The following NHLRC2 variants were observed in gnomAD, a reference collection of about 807,000 sequenced individuals.
The protein encoded by NHLRC2 is NHL repeat-containing protein 2.
NHLRC2 carries 33 observed loss-of-function variants against 68.1 expected under a neutral mutation model. The observed-to-expected ratio is 0.48, with a 90% confidence interval of 0.37 to 0.65. The LOEUF is 0.65. Among genes scored for constraint, NHLRC2 ranks in the 30% least tolerant of loss-of-function variants. The pLI is 0.00. For synonymous variants in NHLRC2, 311 were observed against 309.6 expected, an observed-to-expected ratio of 1.00 and a Z score of -0.05; for missense variants, 761 against 853.8, an observed-to-expected ratio of 0.89 and a Z score of 1.35.
chr10:113,908,121 A>G (rs1846291784), intron 10 of NHLRC2, among the ~76,000 whole-genome samples, 159 bp from the exon 11 acceptor site: 1 of 152,176 alleles, frequency 6.6e-6, no homozygotes, highest in Admixed American at 6.5e-5. Flanking sequence ...TGGTCAGTAT[A>G]TGTTATGTAT....
chr10:113,855,028 G>A lies in NHLRC2; in HGVS notation c.156G>A (p.Leu52=). 1.3e-6 allele frequency: 2 copies of A among 1,552,786 alleles called. No individual in the cohort carries two copies. The highest frequency in any genetic ancestry group is 1.7e-6 in the Non-Finnish European group (2 of 1,147,544). ...LQKVDGWEQD[L]SVPEFPEGLE... ...AGGTGGACGGCTGGGAGCAGGACTTGTCAGTACCCGAGTTTCCGGAAGGTG... is the reference window on the plus strand; with the variant it reads ...AGGTGGACGGCTGGGAGCAGGACTTATCAGTACCCGAGTTTCCGGAAGGTG... Residue 52 remains leucine, a synonymous_variant, in exon 1 of 11, where the codon TTG becomes TTA. Transcript: ENST00000369301.
rs558242040 is a variant in NHLRC2 at position 113,901,874 on chromosome 10, G to T, written c.1348G>T (p.Val450Leu). The change falls in exon 7 of 11, where the codon GTA (valine) becomes TTA (leucine). Residue 450 changes from valine to leucine, a missense_variant. Val to Leu is a conservative substitution (Grantham distance 32). Transcript: ENST00000369301. ...SLKDGAVKHLVGGERDPMNLF... is the reference protein window; with the variant it reads ...SLKDGAVKHLLGGERDPMNLF... ...GAAAGATGGAGCAGTGAAGCACCTC[G>T]TAGGAGGAGAAAGAGACCCCATGGT... The T allele has an allele frequency of 6.2e-7, 1 of 1,613,118 alleles. No homozygotes were observed. The highest frequency in any genetic ancestry group is 8.5e-7 in the Non-Finnish European group (1 of 1,179,088).
At chr10:113,893,286 C>T (rs1399808908) in intron 5 of NHLRC2, among the ~76,000 whole-genome samples, 2 of 152,044 alleles carry the variant, frequency 1.3e-5, no homozygotes, top group Non-Finnish European at 2.9e-5. Flanking sequence ...GGGTGAAAAA[C>T]GGGCAAGTAG....
At chr10:113,896,668 A>T (rs1371969233) in intron 5 of NHLRC2, among the ~76,000 whole-genome samples, 1 of 152,016 alleles carries the variant, frequency 6.6e-6, no homozygotes, top group Non-Finnish European at 1.5e-5. Context: ...AAGTGTAATA[A>T]TAATAAATAA....
chr10:113,895,123 A>G (rs1846165605), intron 5 of NHLRC2, among the ~76,000 whole-genome samples: 1 of 152,218 alleles, frequency 6.6e-6, no homozygotes, highest in Non-Finnish European at 1.5e-5. Context: ...TTGAGAGGAT[A>G]ATAGTACAGG....
In NHLRC2 at chr10:113,916,378, T is replaced by A. The variant is rs1589553111; in HGVS notation, c.*7842T>A. 1 of 152,334 alleles carries A rather than the reference T, an allele frequency of 6.6e-6. No homozygotes were observed. Among genetic ancestry groups the A allele is most frequent in the African/African-American group, 2.4e-5 (1 of 41,574 alleles). 9.4% of individuals were successfully genotyped at this position (152,334 alleles called of 1,614,324 possible). A position where few individuals can be genotyped will look rare whatever the true frequency, so the allele number is the denominator to read the frequency against. ...CAGTGAGAAATTATGGTTATATAAA[T>A]AACAGATATGGCAGAACAATTTTGT... On this transcript the variant is annotated 3_prime_UTR_variant, in exon 11 of 11. Coordinates refer to ENST00000369301, the MANE Select transcript of NHLRC2 (RefSeq NM_198514.4).
At chr10:113,880,957 C>T (rs764426514) in intron 4 of NHLRC2, among the ~76,000 whole-genome samples, 13 of 151,792 alleles carry the variant, frequency 8.6e-5, no homozygotes, top group South Asian at 2.1e-4. Flanking sequence ...TTGTTGAGTG[C>T]ATTAATGGGG....
rs2134745075 is a variant in NHLRC2 at position 113,908,966 on chromosome 10, C to T, written c.*430C>T. 1 of 163,546 alleles carries T rather than the reference C, an allele frequency of 6.1e-6. No homozygotes were observed. Among genetic ancestry groups the T allele is most frequent in the South Asian group, 1.7e-4 (1 of 5,880 alleles). The allele number at this position is 163,546 out of a possible 1,614,324, so 10.1% of individuals were successfully genotyped here. ...AGTAACTTTAGGCAGAACTTAAGCT[C>T]CAGGCCACATTTGTATAAGAACACC... On this transcript the variant is annotated 3_prime_UTR_variant, in exon 11 of 11. Coordinates refer to ENST00000369301, the MANE Select transcript of NHLRC2 (RefSeq NM_198514.4).
intron 3 of NHLRC2, among the ~76,000 whole-genome samples, chr10:113,879,311 A>G (rs1014435349): frequency 6.6e-6 from 1 of 152,216 alleles, no homozygotes; most frequent in Non-Finnish European, 1.5e-5. Context: ...TTTGTAGTCT[A>G]GGTAATGGAT....
At chr10:113,869,097 A>G (rs1845898022) in intron 2 of NHLRC2, among the ~76,000 whole-genome samples, 1 of 152,220 alleles carries the variant, frequency 6.6e-6, no homozygotes, top group African/African-American at 2.4e-5. Flanking sequence ...AGGATGGATA[A>G]CTACTTGGTG....
At chr10:113,871,531 T>C (rs1372793433) in intron 2 of NHLRC2, among the ~76,000 whole-genome samples, 2 of 152,216 alleles carry the variant, frequency 1.3e-5, no homozygotes, top group Non-Finnish European at 2.9e-5. Context: ...TTATTCTTTA[T>C]CGTATTGGAA....
intron 5 of NHLRC2, among the ~76,000 whole-genome samples, chr10:113,889,642 G>A (rs1846113839): frequency 1.3e-5 from 2 of 152,024 alleles, no homozygotes; most frequent in African/African-American, 4.8e-5. Context: ...ATTTGACAAA[G>A]AAGTGCAGTC....
intron 6 of NHLRC2, among the ~76,000 whole-genome samples, chr10:113,900,905 T>C (rs1388395702): frequency 6.6e-6 from 1 of 152,168 alleles, no homozygotes; most frequent in Non-Finnish European, 1.5e-5. Flanking sequence ...CCGAGTCAGC[T>C]GCTTCCCTTC....
In NHLRC2 at chr10:113,901,861, A is replaced by G. The variant is rs372201609; in HGVS notation, c.1335A>G (p.Ala445=). The G allele has an allele frequency of 5.0e-5, 80 of 1,613,966 alleles. No homozygotes were observed. Among genetic ancestry groups the G allele is most frequent in the Admixed American group, 5.0e-5 (3 of 60,008 alleles). Reference sequence around the variant, plus strand: ...GAACCGTTTCACTGAAAGATGGAGCAGTGAAGCACCTCGTAGGAGGAGAAA... The same window carrying G: ...GAACCGTTTCACTGAAAGATGGAGCGGTGAAGCACCTCGTAGGAGGAGAAA... ...TVRTVSLKDG[A]VKHLVGGERD... The change falls in exon 7 of 11, where the codon GCA becomes GCG. Residue 445 remains alanine (A), a synonymous_variant. Coordinates refer to ENST00000369301, the MANE Select transcript of NHLRC2 (RefSeq NM_198514.4).
chr10:113,879,068 C>T (rs57410859), intron 3 of NHLRC2, among the ~76,000 whole-genome samples: 1,692 of 152,252 alleles, frequency 0.011, 26 homozygotes, highest in African/African-American at 0.037. Context: ...TGATATATCG[C>T]AGGACTTTCT....
rs756260113 is a variant in NHLRC2 at position 113,879,743 on chromosome 10, A to G, written c.909+48A>G. The stretch of plus-strand genomic sequence containing the variant: ...TTTAATACTTACAATCAGAAAAAGG[A>G]AATGTATTTGCTACATTAAATATTT... On this transcript the variant is annotated intron_variant, in intron 4 of 10. Coordinates refer to ENST00000369301, the MANE Select transcript of NHLRC2 (RefSeq NM_198514.4). The G allele has an allele frequency of 5.9e-6, 7 of 1,195,604 alleles. No individual in the cohort carries two copies. The Admixed American group carries it at 1.7e-4, about 29-fold the overall frequency. The allele number at this position is 1,195,604 out of a possible 1,614,324, so 74.1% of individuals were successfully genotyped here.
At chr10:113,879,013 A>C (rs1846011594) in intron 3 of NHLRC2, among the ~76,000 whole-genome samples, 1 of 152,344 alleles carries the variant, frequency 6.6e-6, no homozygotes, top group African/African-American at 2.4e-5. Context: ...CATGAATTGT[A>C]AAAACTGAGA....
chr10:113,913,416 G>T lies in NHLRC2; in HGVS notation c.*4880G>T, dbSNP rs570434953. 6.6e-6 allele frequency: 1 copy of T among 152,162 alleles called. No homozygotes were observed. The highest frequency in any genetic ancestry group is 2.1e-4 in the South Asian group (1 of 4,828). The allele number at this position is 152,162 out of a possible 1,614,324, so 9.4% of individuals were successfully genotyped here. A position where few individuals can be genotyped will look rare whatever the true frequency, so the allele number is the denominator to read the frequency against. On this transcript the variant is annotated 3_prime_UTR_variant, in exon 11 of 11. Transcript: ENST00000369301. ...TCAGACCTTGGAACAGTCTATAATT[G>T]TTTGTCAAAAGATTTTATGTACTAC...
chr10:113,863,751 C>G (rs956689989), intron 2 of NHLRC2, among the ~76,000 whole-genome samples: 10 of 151,912 alleles, frequency 6.6e-5, no homozygotes, highest in African/African-American at 1.7e-4. Context: ...AAAGAAGACT[C>G]AAATTATTAA....
Sources: allele counts gnomAD v4.1 joint callset (sites outside exome capture counted in the v4.1 genomes callset), GRCh38; gene constraint gnomAD v4.1.1; transcripts MANE v1.5; gene names NCBI Gene and HGNC (gene_info 2026-07-23, HGNC 2026-07-21).